ACSBG2: variants seen among roughly 807,000 people sequenced by gnomAD.
ACSBG2 encodes acyl-CoA synthetase bubblegum family member 2, also known as long-chain-fatty-acid--CoA ligase ACSBG2.
A neutral mutation model predicts 74.7 loss-of-function variants in ACSBG2; 62 were observed. The observed-to-expected ratio is 0.83, with a 90% CI of 0.68 to 1.03. The LOEUF is 1.03. Ranked by LOEUF, ACSBG2 falls within the 50% of genes least tolerant of loss-of-function variation. The pLI is 0.00. For synonymous variants in ACSBG2, 309 were observed against 294.1 expected (o/e 1.05, Z -0.52); for missense variants, 730 against 817.6 (o/e 0.89, Z 1.31).
At chr19:6,164,897 A>T (rs938286317) in intron 6 of ACSBG2, among the ~76,000 whole-genome samples, 1 of 152,102 alleles carries the variant, frequency 6.6e-6, no homozygotes, top group African/African-American at 2.4e-5. Flanking sequence ...CTGGAGTCAG[A>T]CCTTGGGTTT....
At chr19:6,186,588 G>A (rs75667384) in intron 11 of ACSBG2, among the ~76,000 whole-genome samples, 8 of 152,258 alleles carry the variant, frequency 5.3e-5, no homozygotes, top group African/African-American at 1.7e-4. Flanking sequence ...TTGACTCAAC[G>A]TAACTGAAAA....
intron 8 of ACSBG2, among the ~76,000 whole-genome samples, chr19:6,178,871 A>G (rs1166816026): frequency 6.6e-6 from 1 of 152,212 alleles, no homozygotes; most frequent in Non-Finnish European, 1.5e-5. Flanking sequence ...AAGGACACAC[A>G]TTCAGCTGGA....
At chr19:6,185,958 A>G (rs1456998069) in intron 11 of ACSBG2, among the ~76,000 whole-genome samples, 1 of 152,210 alleles carries the variant, frequency 6.6e-6, no homozygotes, top group Non-Finnish European at 1.5e-5. Flanking sequence ...AGAGAAGGAT[A>G]AAGAAATTCC....
Position 6,168,776 on chromosome 19 carries a change from TTTTTTA to T in ACSBG2, c.738+2773_738+2778del, listed in dbSNP as rs1600092198. Among the ~76,000 whole-genome samples, 2 of 152,148 alleles carry T rather than the reference TTTTTTA, an allele frequency of 1.3e-5. 1 individual carries two copies. Among genetic ancestry groups the T allele is most frequent in the South Asian group, 4.1e-4 (2 of 4,828 alleles). ...CCTTATAGATTCTGAATATTAGTCC[TTTTTTA>T]TTTTTATTTTTTTTGAAACAGAGTC... On this transcript the variant is annotated intron_variant, in intron 7 of 14. Transcript: ENST00000588485.
intron 6 of ACSBG2, among the ~76,000 whole-genome samples, chr19:6,162,605 G>T (rs866790140): frequency 2.7e-5 from 4 of 150,158 alleles, no homozygotes; most frequent in African/African-American, 9.8e-5. Context: ...ACTTTTTAGA[G>T]GTTCAAAGTG....
intron 13 of ACSBG2, chr19:6,189,971 G>A (rs1358481652): frequency 2.0e-5 from 3 of 153,052 alleles, no homozygotes; most frequent in African/African-American, 4.8e-5. Context: ...GCCTCCCAAA[G>A]TGCTGGGATT....
At chr19:6,186,285 T>C (rs74663027) in intron 11 of ACSBG2, among the ~76,000 whole-genome samples, 5,319 of 152,314 alleles carry the variant, frequency 0.035, 170 homozygotes, top group African/African-American at 0.092. Flanking sequence ...CTCTGTGATT[T>C]GTAGCACAAA....
In ACSBG2 at chr19:6,151,903, G is replaced by A. The variant is rs150724569; in HGVS notation, c.386+108G>A. On this transcript the variant is annotated intron_variant, in intron 4 of 14. Coordinates refer to ENST00000588485, the MANE Select transcript of ACSBG2 (RefSeq NM_030924.5). Reference sequence around the variant, plus strand: ...ATGCAAACAGGAATTTTGGATGAACGCCCTAGTTAGCAGGCAGGATAGATG... The same window carrying A: ...ATGCAAACAGGAATTTTGGATGAACACCCTAGTTAGCAGGCAGGATAGATG... The A allele has an allele frequency of 1.3e-4, 123 of 958,766 alleles. No individual in the cohort carries two copies. The East Asian group carries it at 1.7e-3, about 14-fold the overall frequency. The allele number at this position is 958,766 out of a possible 1,614,324, so 59.4% of individuals were successfully genotyped here. A position where few individuals can be genotyped will look rare whatever the true frequency, so the allele number is the denominator to read the frequency against.
At chr19:6,192,185 T>C (rs915655268) in intron 14 of ACSBG2, 1 of 152,178 alleles carries the variant, frequency 6.6e-6, no homozygotes, top group Non-Finnish European at 1.5e-5. Context: ...AAAATATTTA[T>C]TATTAAAAGT....
intron 4 of ACSBG2, among the ~76,000 whole-genome samples, 187 bp downstream of exon 4, chr19:6,151,982 G>A (rs2089255246): frequency 6.6e-6 from 1 of 152,294 alleles, no homozygotes. Flanking sequence ...CATTAGACTA[G>A]CAGTCTCAGA....
At chr19:6,135,975 C>G (rs549612879) in intron 1 of ACSBG2, 66 bp downstream of exon 1, 1 of 152,666 alleles carries the variant, frequency 6.6e-6, no homozygotes, top group East Asian at 1.9e-4. Flanking sequence ...GGGTCTCACT[C>G]TTTTGCCCAG....
intron 7 of ACSBG2, among the ~76,000 whole-genome samples, chr19:6,171,187 C>G (rs1446492421): frequency 6.6e-6 from 1 of 151,964 alleles, no homozygotes; most frequent in Non-Finnish European, 1.5e-5. Flanking sequence ...AAATTTGTCA[C>G]TCTATGTCTT....
Position 6,165,960 on chromosome 19 carries a change from T to C in ACSBG2, c.683T>C (p.Ile228Thr), listed in dbSNP as rs761423528. ...AAGGCGAATCAATGCGCAGTGCTCA[T>C]CTACACTTCAGGGACCACAGGCATA... ...SQKANQCAVL[I>T]YTSGTTGIPK... Residue 228 changes from isoleucine (I) to threonine (T), a missense_variant, in exon 7 of 15, where the codon ATC becomes ACC. Coordinates refer to ENST00000588485, the MANE Select transcript of ACSBG2 (RefSeq NM_030924.5). 6.2e-6 allele frequency: 10 copies of C among 1,614,142 alleles called. No homozygotes were observed. Among genetic ancestry groups the C allele is most frequent in the Middle Eastern group, 1.6e-4 (1 of 6,062 alleles).
At chr19:6,144,341 A>G (rs2088952880) in intron 2 of ACSBG2, among the ~76,000 whole-genome samples, 1 of 152,190 alleles carries the variant, frequency 6.6e-6, no homozygotes, top group African/African-American at 2.4e-5. Flanking sequence ...GTTAGGTCCC[A>G]ATCCAATGTG....
chr19:6,151,076 T>C (rs1438593425), intron 3 of ACSBG2, among the ~76,000 whole-genome samples: 1 of 146,046 alleles, frequency 6.8e-6, no homozygotes, highest in Non-Finnish European at 1.5e-5. Context: ...ATCGCACTGC[T>C]GGACTCCAGC....
At chr19:6,166,966 T>C (rs2089828126) in intron 7 of ACSBG2, among the ~76,000 whole-genome samples, 1 of 150,886 alleles carries the variant, frequency 6.6e-6, no homozygotes. Context: ...TAGAGATGGG[T>C]TCTTACCATG....
chr19:6,165,652 AG>A (rs1179688966), intron 6 of ACSBG2, among the ~76,000 whole-genome samples: 2 of 152,228 alleles, frequency 1.3e-5, no homozygotes, highest in Admixed American at 6.5e-5. Flanking sequence ...ACTGAGGCAC[AG>A]GGAGCTTAAG....
At chr19:6,136,856 A>G (rs1568210996) in intron 1 of ACSBG2, among the ~76,000 whole-genome samples, 1 of 152,114 alleles carries the variant, frequency 6.6e-6, no homozygotes, top group African/African-American at 2.4e-5. Context: ...CGGCCTCCCA[A>G]AGTGCTGGGA....
At chr19:6,176,497 CA>C in intron 7 of ACSBG2, 1 of 615,436 alleles carries the variant, frequency 1.6e-6, no homozygotes, top group East Asian at 5.2e-5. Flanking sequence ...GAAAAAACAA[CA>C]CACACACACA....
Sources: gnomAD v4.1 joint callset for allele counts (sites outside exome capture counted in the v4.1 genomes callset) on GRCh38, gnomAD v4.1.1 for gene constraint, MANE v1.5 for transcripts, NCBI Gene and HGNC (gene_info 2026-07-23, HGNC 2026-07-21) for gene names.